The following WDR17 variants were observed in gnomAD, a reference collection of about 807,000 sequenced individuals.
The protein encoded by WDR17 is WD repeat domain 17, also known as WD repeat-containing protein 17.
A neutral mutation model predicts 161.7 loss-of-function variants in WDR17; 143 were observed. That is an observed-to-expected ratio of 0.88 (90% CI 0.77 to 1.02). The LOEUF (loss-of-function observed/expected upper bound fraction) is 1.02, where lower values mean the gene tolerates loss of function less well. WDR17 is among the 50% of genes least tolerant of loss of function. The pLI is 0.00. For missense variants in WDR17, 1,469 were observed against 1,520.9 expected, an observed-to-expected ratio of 0.97 and a Z score of 0.57; for synonymous variants, 517 against 515.6, an observed-to-expected ratio of 1.00 and a Z score of -0.04.
chr4:176,141,386 TTA>T (rs2126788431), intron 10 of WDR17, among the ~76,000 whole-genome samples: 1 of 152,334 alleles, frequency 6.6e-6, no homozygotes, highest in African/African-American at 2.4e-5. Flanking sequence ...AATTATATGA[TTA>T]TGTTTTAAAA....
At position 176,172,354 on chromosome 4, in the gene WDR17, T is replaced by G. The variant is rs4538426; in HGVS notation, c.3103-21T>G. The G allele has an allele frequency of 0.53, 844,170 of 1,593,278 alleles. 226,607 individuals are homozygous for G. The highest frequency in any genetic ancestry group is 0.63 in the Admixed American group (34,523 of 54,818). ...CCGTTTGAATTTTAGTAACATTGTT[T>G]TCAAATCAATTATTTTCTAGTGTAA... is the stretch of plus-strand genomic sequence containing the variant. On this transcript the variant is annotated intron_variant, in intron 23 of 28. Transcript: ENST00000508596.
intron 11 of WDR17, among the ~76,000 whole-genome samples, chr4:176,142,453 C>T (rs898567279): frequency 2.0e-5 from 3 of 152,050 alleles, no homozygotes; most frequent in African/African-American, 7.3e-5. Context: ...TTTGCATTGT[C>T]CCCCACCCGA....
chr4:176,151,259 C>G (rs73003464), intron 16 of WDR17, among the ~76,000 whole-genome samples: 3,075 of 152,138 alleles, frequency 0.02, 108 homozygotes, highest in African/African-American at 0.071. Flanking sequence ...AAGCCAGTAA[C>G]TTTTTGTTTT....
At chr4:176,095,587 T>C (rs1736722932) in intron 1 of WDR17, among the ~76,000 whole-genome samples, 1 of 152,092 alleles carries the variant, frequency 6.6e-6, no homozygotes, top group African/African-American at 2.4e-5. Flanking sequence ...TTACAAACAT[T>C]GTAATTTCCC....
At chr4:176,139,529 G>T (rs1395229577) in intron 9 of WDR17, among the ~76,000 whole-genome samples, 1 of 151,916 alleles carries the variant, frequency 6.6e-6, no homozygotes, top group African/African-American at 2.4e-5. Context: ...TTTGGAAGCA[G>T]ATAGATAACT....
At chr4:176,088,911 A>T (rs947643389) in intron 1 of WDR17, among the ~76,000 whole-genome samples, 5 of 152,160 alleles carry the variant, frequency 3.3e-5, no homozygotes, top group African/African-American at 1.2e-4. Context: ...CCAGAGATAG[A>T]TTTAAGTTGC....
chr4:176,084,825 A>G (rs1440268164), intron 1 of WDR17, among the ~76,000 whole-genome samples: 1 of 148,858 alleles, frequency 6.7e-6, no homozygotes, highest in Non-Finnish European at 1.5e-5. Context: ...ATATTTCCAT[A>G]AGGGCATTCA....
intron 23 of WDR17, among the ~76,000 whole-genome samples, 185 bp downstream of exon 23, chr4:176,168,968 C>T (rs1009956400): frequency 6.6e-6 from 1 of 152,170 alleles, no homozygotes; most frequent in Non-Finnish European, 1.5e-5. Flanking sequence ...GTGCTTGGCA[C>T]TCTTCTAAAT....
At chr4:176,070,215 A>G (rs1196019332) in intron 1 of WDR17, among the ~76,000 whole-genome samples, 1 of 152,232 alleles carries the variant, frequency 6.6e-6, no homozygotes, top group Non-Finnish European at 1.5e-5. Flanking sequence ...TTTCGTTAAC[A>G]TTTATATATC....
chr4:176,134,162 C>T (rs1744005378), intron 7 of WDR17, among the ~76,000 whole-genome samples: 1 of 151,582 alleles, frequency 6.6e-6, no homozygotes, highest in Non-Finnish European at 1.5e-5. Context: ...AGAAACTTTA[C>T]GAGTACTTTT....
intron 17 of WDR17, 143 bp downstream of exon 17, chr4:176,152,110 T>C (rs1011033013): frequency 7.0e-6 from 5 of 719,424 alleles, no homozygotes; most frequent in Middle Eastern, 3.9e-4. Flanking sequence ...AGGAGTTCGA[T>C]ACTAGCCTGA....
Position 176,151,972 on chromosome 4 carries a change from T to C in WDR17, c.2460+5T>C, listed in dbSNP as rs748247897. On this transcript the variant is annotated splice_donor_5th_base_variant and intron_variant, in intron 17 of 28. Coordinates refer to ENST00000508596, the MANE Select transcript of WDR17 (RefSeq NM_181265.4). ...CTTATGGTTGAACTTGGAGAGGTAATGTGCTATGAAAGTAAAACTAATGAG... is the reference window on the plus strand; with the variant it reads ...CTTATGGTTGAACTTGGAGAGGTAACGTGCTATGAAAGTAAAACTAATGAG... 10 of 1,609,702 alleles carry C rather than the reference T, an allele frequency of 6.2e-6. No homozygotes were observed. In the Admixed American group the frequency reaches 1.4e-4, roughly 22 times the overall value.
chr4:176,071,416 G>A (rs1383167485), intron 1 of WDR17, among the ~76,000 whole-genome samples: 4 of 150,970 alleles, frequency 2.6e-5, no homozygotes, highest in African/African-American at 9.7e-5. Flanking sequence ...TCCAGCTCCC[G>A]GATTCAAGCA....
intron 3 of WDR17, among the ~76,000 whole-genome samples, chr4:176,116,467 T>C (rs1482791662): frequency 2.0e-5 from 3 of 146,524 alleles, no homozygotes; most frequent in Non-Finnish European, 3.1e-5. Flanking sequence ...ATTGGAATAA[T>C]AGCATTATAC....
At chr4:176,083,186 T>C (rs62339392) in intron 1 of WDR17, among the ~76,000 whole-genome samples, 31,958 of 151,964 alleles carry the variant, frequency 0.21, 3,594 homozygotes, top group South Asian at 0.27. Context: ...TTTTTTAATG[T>C]TTAGACTAGA....
intron 2 of WDR17, among the ~76,000 whole-genome samples, chr4:176,114,846 CA>C (rs929998613): frequency 6.6e-6 from 1 of 151,308 alleles, no homozygotes; most frequent in African/African-American, 2.4e-5. Flanking sequence ...TAACCATGAG[CA>C]AATCAGTGGA....
chr4:176,109,335 G>A (rs1290333048), intron 1 of WDR17, among the ~76,000 whole-genome samples: 1 of 151,476 alleles, frequency 6.6e-6, no homozygotes, highest in Non-Finnish European at 1.5e-5. Flanking sequence ...AAAAAAAAAA[G>A]AAGTGTATAT....
At chr4:176,105,854 T>A (rs1262583848) in intron 1 of WDR17, among the ~76,000 whole-genome samples, 2 of 149,948 alleles carry the variant, frequency 1.3e-5, no homozygotes, top group Non-Finnish European at 3.0e-5. Context: ...GGATATAATA[T>A]CTAAGCAGAG....
rs1431738841 is a variant in WDR17, at chr4:176,179,496, A to G, written c.3769A>G (p.Ile1257Val). 1.1e-5 allele frequency: 17 copies of G among 1,604,828 alleles called. No individual in the cohort carries two copies. The highest frequency in any genetic ancestry group is 1.3e-5 in the Non-Finnish European group (15 of 1,174,904). The change falls in exon 29 of 29, where the codon ATC (isoleucine) becomes GTC (valine). Residue 1257 changes from isoleucine (I) to valine (V), a missense_variant. Ile to Val is a conservative substitution (Grantham distance 29). Transcript: ENST00000508596. ...TTTCCTTGAAGACGGGAAATCTGCT[A>G]TCTCCTTGAATGATGCTTTGATGTG... ...VFFLEDGKSA[I>V]SLNDALMWAK...
Sources: gnomAD v4.1 joint callset for allele counts (sites outside exome capture counted in the v4.1 genomes callset) on GRCh38, gnomAD v4.1.1 for gene constraint, MANE v1.5 for transcripts, NCBI Gene and HGNC (gene_info 2026-07-23, HGNC 2026-07-21) for gene names.